PKP2: variants seen among roughly 807,000 people sequenced by gnomAD.
PKP2 encodes the protein plakophilin-2.
A neutral mutation model predicts 83.4 loss-of-function variants in PKP2; 73 were observed. The ratio of observed to expected loss-of-function variants is 0.88; its 90% CI spans 0.72 to 1.06. PKP2 has a LOEUF of 1.06. PKP2 is among the 50% of genes least tolerant of loss of function. PKP2 has a pLI of 0.00. For missense variants in PKP2, 966 were observed against 1,065.4 expected, an observed-to-expected ratio of 0.91 and a Z score of 1.30; for synonymous variants, 409 against 430.4, an observed-to-expected ratio of 0.95 and a Z score of 0.62.
intron 1 of PKP2, among the ~76,000 whole-genome samples, chr12:32,889,847 G>A (rs1225110336): frequency 6.6e-6 from 1 of 152,056 alleles, no homozygotes; most frequent in Non-Finnish European, 1.5e-5. Flanking sequence ...TTGGGAGGCC[G>A]AGGCGGGTGG....
intron 5 of PKP2, among the ~76,000 whole-genome samples, chr12:32,843,508 G>A (rs1316405194): frequency 1.3e-5 from 2 of 152,198 alleles, no homozygotes; most frequent in Non-Finnish European, 2.9e-5. Context: ...GCTTCATGCA[G>A]TCTTTTGGGC....
intron 3 of PKP2, among the ~76,000 whole-genome samples, chr12:32,876,953 C>T (rs976872511): frequency 5.3e-5 from 8 of 152,132 alleles, no homozygotes; most frequent in African/African-American, 1.9e-4. Context: ...TAGATTAGCC[C>T]TCATCATTTT....
At chr12:32,884,524 T>C (rs141511958) in intron 1 of PKP2, among the ~76,000 whole-genome samples, 56 of 152,304 alleles carry the variant, frequency 3.7e-4, no homozygotes, top group African/African-American at 1.3e-3. Context: ...CCATGCCACA[T>C]AAAACTTATA....
intron 4 of PKP2, among the ~76,000 whole-genome samples, chr12:32,858,460 A>T (rs745891757): frequency 2.6e-5 from 4 of 152,148 alleles, no homozygotes; most frequent in Non-Finnish European, 4.4e-5. Flanking sequence ...TAAAATCCTT[A>T]TTCATTCTTC....
chr12:32,890,477 A>G (rs894904792), intron 1 of PKP2, among the ~76,000 whole-genome samples: 1 of 152,242 alleles, frequency 6.6e-6, no homozygotes, highest in African/African-American at 2.4e-5. Flanking sequence ...TTCCAAGAAT[A>G]TAAATATGTG....
chr12:32,866,013 C>T (rs1192459929), intron 4 of PKP2, among the ~76,000 whole-genome samples: 1 of 151,648 alleles, frequency 6.6e-6, no homozygotes, highest in Non-Finnish European at 1.5e-5. Flanking sequence ...AAAGCAGAAA[C>T]CATAAAGGGA....
intron 1 of PKP2, among the ~76,000 whole-genome samples, chr12:32,889,185 C>T (rs1009295768): frequency 2.0e-5 from 3 of 152,062 alleles, no homozygotes; most frequent in African/African-American, 4.8e-5. Flanking sequence ...GTAGAAATAC[C>T]AAGCAAGATA....
At chr12:32,858,143 T>TA (rs1317384103) in intron 4 of PKP2, among the ~76,000 whole-genome samples, 3 of 108,164 alleles carry the variant, frequency 2.8e-5, no homozygotes, top group South Asian at 2.9e-4. Context: ...TTTATATATA[T>TA]ATATATATAA....
Position 32,841,228 on chromosome 12 carries a change from T to A in PKP2, c.1379-23A>T. On this transcript the variant is annotated intron_variant, in intron 5 of 12. Transcript: ENST00000340811. ...AACCTAGAAAAGCACAGAGTTACCATGAAAACAGTGCAGGGTGGGACCAAA... is the reference window on the plus strand; with the variant it reads ...AACCTAGAAAAGCACAGAGTTACCAAGAAAACAGTGCAGGGTGGGACCAAA... 2.5e-6 allele frequency: 4 copies of A among 1,601,158 alleles called. No homozygotes were observed. The African/African-American group carries it at 4.0e-5, about 16-fold the overall frequency.
chr12:32,868,790 G>A (rs1443161438), intron 4 of PKP2, 137 bp downstream of exon 4: 1 of 982,316 alleles, frequency 1.0e-6, no homozygotes, highest in Non-Finnish European at 1.6e-6. Flanking sequence ...CCAAAGTGCT[G>A]GGAATATAGG....
chr12:32,792,875 C>T (rs1269820555), intron 11 of PKP2, 144 bp from the exon 12 acceptor site: 1 of 718,694 alleles, frequency 1.4e-6, no homozygotes, highest in Non-Finnish European at 2.6e-6. Context: ...GGTGACCAGA[C>T]AATTAGGCAG....
chr12:32,877,694 C>T, intron 3 of PKP2, 152 bp downstream of exon 3: 1 of 708,116 alleles, frequency 1.4e-6, no homozygotes, highest in African/African-American at 1.7e-5. Flanking sequence ...GCTGATCTGT[C>T]AATTAGGCAG....
At chr12:32,866,914 C>T (rs1023361534) in intron 4 of PKP2, among the ~76,000 whole-genome samples, 4 of 152,166 alleles carry the variant, frequency 2.6e-5, no homozygotes, top group African/African-American at 9.6e-5. Context: ...TTCTGATTAA[C>T]ACGAAATGGG....
intron 9 of PKP2, 91 bp downstream of exon 9, chr12:32,821,265 C>T: frequency 8.5e-7 from 1 of 1,176,122 alleles, no homozygotes; most frequent in Non-Finnish European, 1.3e-6. Flanking sequence ...AAACCTTTTT[C>T]TCTTCCCTCA....
intron 9 of PKP2, among the ~76,000 whole-genome samples, chr12:32,804,101 C>T (rs1190723183): frequency 8.5e-5 from 13 of 152,172 alleles, no homozygotes; most frequent in African/African-American, 1.7e-4. Flanking sequence ...CAACAGACAA[C>T]GGCAGGCTTT....
At chr12:32,805,068 T>TG (rs1301163021) in intron 9 of PKP2, among the ~76,000 whole-genome samples, 2 of 152,198 alleles carry the variant, frequency 1.3e-5, no homozygotes, top group Non-Finnish European at 2.9e-5. Context: ...GTTGAGCTTT[T>TG]TTTCACGTTT....
rs570727690 is a variant in PKP2 at position 32,876,329 on chromosome 12, G to C, written c.1034+1517C>G. On this transcript the variant is annotated intron_variant, in intron 3 of 12. Transcript: ENST00000340811. ...ACTGGGAAGTGACAGGGTGGTTCAAGAAGCAAGGGACACAGAGATGGAGGG... is the reference window on the plus strand; with the variant it reads ...ACTGGGAAGTGACAGGGTGGTTCAACAAGCAAGGGACACAGAGATGGAGGG... Among the ~76,000 whole-genome samples, 139 of 152,308 alleles carry C rather than the reference G, an allele frequency of 9.1e-4. 1 individual carries two copies. Among genetic ancestry groups the C allele is most frequent in the African/African-American group, 3.1e-3 (127 of 41,562 alleles).
rs547711453 is a variant in PKP2, at chr12:32,791,945, A to C, written c.*479T>G. On this transcript the variant is annotated 3_prime_UTR_variant, in exon 13 of 13. Coordinates refer to ENST00000340811, the MANE Select transcript of PKP2 (RefSeq NM_001005242.3). ...TTGCCATTATACTTTCTCCTGGATA[A>C]CTGCAGATATTTCTTGTCATTTCCA... 5.7e-6 allele frequency: 1 copy of C among 176,756 alleles called. No individual in the cohort carries two copies. The highest frequency in any genetic ancestry group is 2.4e-5 in the African/African-American group (1 of 41,760). The allele number at this position is 176,756 out of a possible 1,614,324, so 10.9% of individuals were successfully genotyped here. A position where few individuals can be genotyped will look rare whatever the true frequency, so the allele number is the denominator to read the frequency against.
intron 1 of PKP2, among the ~76,000 whole-genome samples, chr12:32,879,661 T>C (rs1248411219): frequency 6.6e-6 from 1 of 151,576 alleles, no homozygotes; most frequent in African/African-American, 2.4e-5. Context: ...AAAGCCCCTC[T>C]CTACTAAAAC....
Sources: allele counts gnomAD v4.1 joint callset (sites outside exome capture counted in the v4.1 genomes callset), GRCh38; gene constraint gnomAD v4.1.1; transcripts MANE v1.5; gene names NCBI Gene and HGNC (gene_info 2026-07-23, HGNC 2026-07-21).